Variants in ZC3H12B observed in about 807,000 individuals in gnomAD.
ZC3H12B encodes the protein zinc finger CCCH-type containing 12B.
In ZC3H12B, 7 loss-of-function variants were observed where a neutral mutation model predicts 43.9. That is an observed-to-expected ratio of 0.16 (90% CI 0.09 to 0.30). ZC3H12B has a LOEUF of 0.30. ZC3H12B is among the 10% of genes least tolerant of loss of function. The probability of loss-of-function intolerance (pLI) is 1.00; values close to 1 mark genes in which losing one functional copy is unlikely to be tolerated. For synonymous variants in ZC3H12B, 222 were observed against 241.7 expected (o/e 0.92, Z 0.76); for missense variants, 475 against 670.2 (o/e 0.71, Z 3.22).
At chrX:65,239,225 C>CT in the ZC3H12B span, among the ~76,000 whole-genome samples, 1 of 111,184 alleles carries the variant, frequency 9.0e-6, no homozygotes, top group Non-Finnish European at 1.9e-5. Flanking sequence ...TTGTAGGTCT[C>CT]TAAAAACTTG....
chrX:65,422,657 G>A lies in ZC3H12B; in HGVS notation n.407+23953G>A, dbSNP rs181979713. On this transcript the variant is annotated intron_variant and non_coding_transcript_variant, in intron 3 of 5. Transcript: ENST00000617377. ...TCCATCAACCCATCATCTACATGAG[G>A]TATTTCTCCTAATGCTATCCCTCCC... Among the ~76,000 whole-genome samples, 22 of 110,844 alleles carry A rather than the reference G, an allele frequency of 2.0e-4. No homozygotes were observed. In the East Asian group the frequency reaches 6.2e-3, roughly 31 times the overall value.
the ZC3H12B span, among the ~76,000 whole-genome samples, chrX:65,117,425 A>G: frequency 9.0e-6 from 1 of 111,349 alleles, no homozygotes; most frequent in Non-Finnish European, 1.9e-5. Context: ...TTTTCTCATA[A>G]ATTTGTTTAA....
At chrX:65,181,332 A>C in the ZC3H12B span, among the ~76,000 whole-genome samples, 9 of 111,898 alleles carry the variant, frequency 8.0e-5, no homozygotes. Context: ...ACCATTCAGG[A>C]CATAAGAATG....
At chrX:65,456,197 G>T (rs1243838259) in intron 3 of ZC3H12B, among the ~76,000 whole-genome samples, 1 of 111,283 alleles carries the variant, frequency 9.0e-6, no homozygotes, top group Non-Finnish European at 1.9e-5. Context: ...TGGATAAAGA[G>T]TCAAGACGCA....
chrX:65,315,078 AG>A, the ZC3H12B span, among the ~76,000 whole-genome samples: 1 of 111,348 alleles, frequency 9.0e-6, no homozygotes, highest in African/African-American at 3.2e-5. Flanking sequence ...CAGGGAATAG[AG>A]GAACAAATAA....
intron 3 of ZC3H12B, among the ~76,000 whole-genome samples, chrX:65,450,831 GTGTATATATGTATATA>G (rs1215497292): frequency 1.9e-4 from 11 of 59,040 alleles, no homozygotes; most frequent in Admixed American, 3.9e-4. Context: ...ATATACATAT[GTGTATATATGTATATA>G]TATACATATG....
chrX:65,248,880 T>G, the ZC3H12B span, among the ~76,000 whole-genome samples: 1 of 112,148 alleles, frequency 8.9e-6, no homozygotes, highest in African/African-American at 3.2e-5. Context: ...TATATATTCT[T>G]TTGAAAATTG....
At chrX:65,462,490 G>A (rs982493491) in intron 3 of ZC3H12B, among the ~76,000 whole-genome samples, 1 of 111,740 alleles carries the variant, frequency 8.9e-6, no homozygotes, top group East Asian at 2.8e-4. Context: ...GACAAAGCAA[G>A]ACGCCGTCTC....
chrX:65,157,192 G>T, the ZC3H12B span, among the ~76,000 whole-genome samples: 1 of 110,992 alleles, frequency 9.0e-6, no homozygotes, highest in East Asian at 2.8e-4. Context: ...TGTTCCCCAG[G>T]CTGGTCTCAG....
chrX:65,317,851 C>CTATA, the ZC3H12B span, among the ~76,000 whole-genome samples: 165 of 95,200 alleles, frequency 1.7e-3, no homozygotes, highest in African/African-American at 5.6e-3. Context: ...CACGCACACA[C>CTATA]TATATATATA....
the ZC3H12B span, among the ~76,000 whole-genome samples, chrX:65,153,672 T>C: frequency 6.2e-5 from 7 of 112,281 alleles, no homozygotes; most frequent in Non-Finnish European, 9.4e-5. Context: ...GTCAATGTGG[T>C]GATTCCTCAG....
At chrX:65,184,282 G>T in the ZC3H12B span, among the ~76,000 whole-genome samples, 1 of 110,856 alleles carries the variant, frequency 9.0e-6, no homozygotes, top group Non-Finnish European at 1.9e-5. Flanking sequence ...CCTTTTGACA[G>T]AATAATGATT....
At chrX:65,484,651 A>G (rs748830780), upstream of ZC3H12B, among the ~76,000 whole-genome samples, 443 of 112,614 alleles carry the variant, frequency 3.9e-3, 1 homozygote, top group Non-Finnish European at 7.6e-3. Flanking sequence ...GGCCACCTGC[A>G]GATAATTGAG....
At chrX:65,475,222 C>A (rs2067976503) in intron 3 of ZC3H12B, among the ~76,000 whole-genome samples, 1 of 111,847 alleles carries the variant, frequency 8.9e-6, no homozygotes, top group Non-Finnish European at 1.9e-5. Flanking sequence ...TTATGCACCA[C>A]CATTACATTG....
At chrX:65,386,857 G>A (rs760284425) in intron 2 of ZC3H12B, among the ~76,000 whole-genome samples, 50 of 111,273 alleles carry the variant, frequency 4.5e-4, no homozygotes, top group Middle Eastern at 4.6e-3. Flanking sequence ...CTTTGTTCTC[G>A]TTGGTTTCAA....
the ZC3H12B span, among the ~76,000 whole-genome samples, chrX:65,318,864 T>G: frequency 8.9e-6 from 1 of 111,830 alleles, no homozygotes; most frequent in Non-Finnish European, 1.9e-5. Context: ...ATCAAGAAAT[T>G]ATTTTCAACT....
At chrX:65,119,721 C>T in the ZC3H12B span, among the ~76,000 whole-genome samples, 2 of 111,611 alleles carry the variant, frequency 1.8e-5, no homozygotes, top group African/African-American at 6.5e-5. Flanking sequence ...AGTCCTTGCC[C>T]ATGCCTATGT....
chrX:65,380,454 G>A (rs1227362770), intron 2 of ZC3H12B, among the ~76,000 whole-genome samples: 1 of 111,431 alleles, frequency 9.0e-6, no homozygotes, highest in Non-Finnish European at 1.9e-5. Flanking sequence ...GCTCCTGAAG[G>A]AAGCGCTAAA....
chrX:65,101,328 A>G, the ZC3H12B span, among the ~76,000 whole-genome samples: 2 of 111,913 alleles, frequency 1.8e-5, no homozygotes, highest in Non-Finnish European at 3.8e-5. Context: ...ACATCACATT[A>G]AAATAACTAG....
Sources: allele counts gnomAD v4.1 joint callset (sites outside exome capture counted in the v4.1 genomes callset), GRCh38; gene constraint gnomAD v4.1.1; transcripts MANE v1.5; gene names NCBI Gene and HGNC (gene_info 2026-07-23, HGNC 2026-07-21).